ABCC1: variants seen among roughly 807,000 people sequenced by gnomAD.
The protein encoded by ABCC1 is ATP binding cassette subfamily C member 1 (ABCC1 blood group).
A neutral mutation model predicts 172.9 loss-of-function variants in ABCC1; 83 were observed. The observed-to-expected ratio is 0.48, with a 90% CI of 0.40 to 0.58. The LOEUF (loss-of-function observed/expected upper bound fraction) is 0.58, where lower values mean the gene tolerates loss of function less well. Among genes scored for constraint, ABCC1 ranks in the 20% least tolerant of loss-of-function variants. The pLI, the probability that ABCC1 is intolerant of heterozygous loss-of-function variation, is 0.00. For synonymous variants in ABCC1, 937 were observed against 825.2 expected (o/e 1.14, Z -2.32); for missense variants, 1,817 against 2,002.7 (o/e 0.91, Z 1.77).
intron 1 of ABCC1, among the ~76,000 whole-genome samples, chr16:15,989,995 G>A (rs1239005295): frequency 6.6e-6 from 1 of 152,074 alleles, no homozygotes; most frequent in Non-Finnish European, 1.5e-5. Flanking sequence ...TACCACCTCA[G>A]CCTCCCAAGT....
At chr16:16,098,831 G>A (rs776959595) in intron 19 of ABCC1, 8 of 1,351,098 alleles carry the variant, frequency 5.9e-6, no homozygotes, top group South Asian at 3.4e-5. Context: ...CGGGAGTTTC[G>A]CTTTGCTTCT....
chr16:15,999,683 C>T (rs929656444), intron 1 of ABCC1, among the ~76,000 whole-genome samples: 6 of 147,786 alleles, frequency 4.1e-5, no homozygotes, highest in African/African-American at 1.5e-4. Context: ...CCAGGCTGGT[C>T]TAGAATTCCT....
At chr16:16,093,932 C>CT (rs1390000273) in intron 19 of ABCC1, among the ~76,000 whole-genome samples, 7 of 148,104 alleles carry the variant, frequency 4.7e-5, no homozygotes, top group African/African-American at 1.7e-4. Flanking sequence ...ATTCAGTTTA[C>CT]TGATTTCTAA....
intron 1 of ABCC1, among the ~76,000 whole-genome samples, chr16:15,954,876 G>C (rs2045953595): frequency 6.6e-6 from 1 of 152,206 alleles, no homozygotes; most frequent in South Asian, 2.1e-4. Flanking sequence ...CACTGACCAT[G>C]TTCCTAAAGA....
chr16:16,054,370 C>CT (rs1192459746), intron 11 of ABCC1, among the ~76,000 whole-genome samples: 5 of 152,164 alleles, frequency 3.3e-5, no homozygotes, highest in Admixed American at 2.6e-4. Context: ...TAGCGCCCTG[C>CT]TTTGGGGACC....
At chr16:16,006,009 A>T (rs886883511) in intron 1 of ABCC1, among the ~76,000 whole-genome samples, 11 of 152,118 alleles carry the variant, frequency 7.2e-5, no homozygotes, top group East Asian at 5.8e-4. Flanking sequence ...AAAAAAATAA[A>T]AATAAAAAGC....
intron 20 of ABCC1, among the ~76,000 whole-genome samples, chr16:16,106,018 A>G (rs1313338738): frequency 6.6e-6 from 1 of 151,786 alleles, no homozygotes; most frequent in Non-Finnish European, 1.5e-5. Flanking sequence ...TTGGGACTGC[A>G]GGTGCACGGT....
At chr16:16,015,150 G>C (rs1275825799) in intron 4 of ABCC1, among the ~76,000 whole-genome samples, 1 of 37,390 alleles carries the variant, frequency 2.7e-5, no homozygotes, top group African/African-American at 1.2e-4. Context: ...TTTTTTTTTT[G>C]CTGTTGTTGA....
At chr16:16,133,698 C>G (rs1039146104) in intron 27 of ABCC1, among the ~76,000 whole-genome samples, 1 of 152,132 alleles carries the variant, frequency 6.6e-6, no homozygotes, top group Non-Finnish European at 1.5e-5. Flanking sequence ...GCCACCGTGC[C>G]CCAGCCCTTG....
At chr16:16,114,331 CATT>C (rs1031710305) in intron 22 of ABCC1, among the ~76,000 whole-genome samples, 2 of 151,910 alleles carry the variant, frequency 1.3e-5, no homozygotes, top group Admixed American at 6.6e-5. Context: ...TTATCATCAT[CATT>C]ATTATTACTA....
chr16:15,993,269 TATCTGTGTTA>T (rs1268523818), intron 1 of ABCC1, among the ~76,000 whole-genome samples: 1 of 152,184 alleles, frequency 6.6e-6, no homozygotes, highest in African/African-American at 2.4e-5. Flanking sequence ...ACCCTGCACT[TATCTGTGTTA>T]ATCCGTCTCT....
intron 1 of ABCC1, among the ~76,000 whole-genome samples, chr16:15,981,687 C>T (rs953143046): frequency 6.6e-6 from 1 of 152,136 alleles, no homozygotes; most frequent in African/African-American, 2.4e-5. Flanking sequence ...GGGGCTACTG[C>T]AAAGGTCTCT....
intron 1 of ABCC1, among the ~76,000 whole-genome samples, chr16:15,970,196 C>T (rs2046334789): frequency 6.6e-6 from 1 of 152,160 alleles, no homozygotes. Flanking sequence ...AGCTCTGTCC[C>T]CAAAATAATC....
At chr16:16,138,645 C>T in intron 30 of ABCC1, 87 bp downstream of exon 30, 1 of 1,143,712 alleles carries the variant, frequency 8.7e-7, no homozygotes, top group Middle Eastern at 3.0e-4. Context: ...TCATTCAACA[C>T]TGTCCTTATC....
intron 22 of ABCC1, among the ~76,000 whole-genome samples, chr16:16,112,749 A>G (rs554332688): frequency 4.6e-5 from 7 of 152,332 alleles, no homozygotes; most frequent in African/African-American, 1.7e-4. Context: ...GGTCCATATG[A>G]TATATACACA....
intron 13 of ABCC1, among the ~76,000 whole-genome samples, chr16:16,071,387 C>T (rs775879584): frequency 3.2e-4 from 49 of 152,074 alleles, no homozygotes; most frequent in African/African-American, 8.2e-4. Flanking sequence ...TTTGAGCTAC[C>T]GTGCCCAGCC....
chr16:15,978,135 C>T (rs1034654106), intron 1 of ABCC1, among the ~76,000 whole-genome samples: 3 of 152,028 alleles, frequency 2.0e-5, no homozygotes, highest in Non-Finnish European at 4.4e-5. Flanking sequence ...TTTGGGAGGC[C>T]GAGCAGGGAG....
intron 1 of ABCC1, among the ~76,000 whole-genome samples, chr16:15,983,552 CTT>C (rs11416710): frequency 4.0e-5 from 5 of 126,518 alleles, no homozygotes; most frequent in Admixed American, 1.7e-4. Context: ...GTACACCACA[CTT>C]TTTTTTTTTT....
intron 20 of ABCC1, among the ~76,000 whole-genome samples, chr16:16,104,988 C>T (rs374353398): frequency 2.0e-5 from 3 of 152,092 alleles, no homozygotes; most frequent in Non-Finnish European, 2.9e-5. Context: ...TGTGCAGCTC[C>T]GGTTCCCTCC....
Sources: gnomAD v4.1 joint callset for allele counts (sites outside exome capture counted in the v4.1 genomes callset) on GRCh38, gnomAD v4.1.1 for gene constraint, MANE v1.5 for transcripts, NCBI Gene and HGNC (gene_info 2026-07-23, HGNC 2026-07-21) for gene names.